NRXN3: variants seen among roughly 807,000 people sequenced by gnomAD.
NRXN3 encodes the protein neurexin 3, also known as neurexin III.
NRXN3 carries 32 observed loss-of-function variants against 137.6 expected under a neutral mutation model. The observed-to-expected ratio is 0.23, with a 90% confidence interval of 0.18 to 0.31. The LOEUF (loss-of-function observed/expected upper bound fraction) is 0.31, where lower values mean the gene tolerates loss of function less well. Ranked by LOEUF, NRXN3 falls within the 10% of genes least tolerant of loss-of-function variation. NRXN3 has a pLI of 1.00. For missense variants in NRXN3, 1,574 were observed against 2,062.5 expected (o/e 0.76, Z 4.59); for synonymous variants, 798 against 784.5 (o/e 1.02, Z -0.29).
intron 4 of NRXN3, among the ~76,000 whole-genome samples, chr14:78,629,758 T>G (rs2097502696): frequency 6.6e-6 from 1 of 152,230 alleles, no homozygotes; most frequent in Non-Finnish European, 1.5e-5. Flanking sequence ...CTATGGAATC[T>G]CAAAGACTCT....
intron 4 of NRXN3, among the ~76,000 whole-genome samples, chr14:78,471,565 G>T (rs796662877): frequency 7.9e-5 from 12 of 152,266 alleles, no homozygotes; most frequent in African/African-American, 2.9e-4. Context: ...TTTAGGGCAT[G>T]GTTGGTACTG....
At chr14:79,740,611 C>G (rs1192900200) in intron 19 of NRXN3, among the ~76,000 whole-genome samples, 1 of 149,430 alleles carries the variant, frequency 6.7e-6, no homozygotes, top group Non-Finnish European at 1.5e-5. Flanking sequence ...ATCTATTGTC[C>G]ATCAGCCCAA....
rs549638926 is a variant in NRXN3 at position 79,549,493 on chromosome 14, C to T, written c.3444+82091C>T. Among the ~76,000 whole-genome samples the T allele has an allele frequency of 3.3e-5, 5 of 152,234 alleles. No homozygotes were observed. In the South Asian group the frequency reaches 1.0e-3, roughly 32 times the overall value. On this transcript the variant is annotated intron_variant, in intron 16 of 20. Transcript: ENST00000335750. ...ACTCCTTCCCTGAGCTTGTTCCTTC[C>T]TTTCACCAAAACACACATATTCCAT...
intron 15 of NRXN3, among the ~76,000 whole-genome samples, chr14:79,291,986 G>A (rs1033440787): frequency 6.6e-6 from 1 of 152,050 alleles, no homozygotes; most frequent in African/African-American, 2.4e-5. Context: ...CATCCTTCAA[G>A]GTAGGCACTA....
chr14:79,571,234 C>T (rs140552999), intron 16 of NRXN3, among the ~76,000 whole-genome samples: 1 of 152,258 alleles, frequency 6.6e-6, no homozygotes, highest in Non-Finnish European at 1.5e-5. Context: ...GACATATTAG[C>T]TTGGACTAGC....
intron 4 of NRXN3, among the ~76,000 whole-genome samples, chr14:78,548,119 A>G (rs986371865): frequency 6.6e-6 from 1 of 152,238 alleles, no homozygotes; most frequent in Non-Finnish European, 1.5e-5. Context: ...GCCATAAAAC[A>G]GAAAAGTAAA....
chr14:78,876,653 C>T (rs562059016), intron 10 of NRXN3, among the ~76,000 whole-genome samples: 3 of 152,260 alleles, frequency 2.0e-5, no homozygotes, highest in African/African-American at 7.2e-5. Context: ...GGTTTGGTTA[C>T]ATGACCAAAG....
chr14:78,239,821 C>CTGGAGG (rs1191340701), intron 1 of NRXN3, among the ~76,000 whole-genome samples: 1 of 152,130 alleles, frequency 6.6e-6, no homozygotes, highest in African/African-American at 2.4e-5. Flanking sequence ...ATTCTCCCTG[C>CTGGAGG]CTCAGCCTCT....
intron 15 of NRXN3, among the ~76,000 whole-genome samples, chr14:79,176,509 CTTA>C (rs906144671): frequency 1.3e-5 from 2 of 152,140 alleles, no homozygotes; most frequent in African/African-American, 4.8e-5. Context: ...TTATCCCTTG[CTTA>C]TTATTTCAGT....
chr14:79,817,329 AG>A (rs2099254822), intron 20 of NRXN3, among the ~76,000 whole-genome samples: 2 of 152,168 alleles, frequency 1.3e-5, no homozygotes, highest in African/African-American at 4.8e-5. Context: ...CTGGGATTAC[AG>A]GTATGAGCCA....
chr14:79,472,058 A>G (rs1382242561), intron 16 of NRXN3, among the ~76,000 whole-genome samples: 1 of 151,968 alleles, frequency 6.6e-6, no homozygotes, highest in Non-Finnish European at 1.5e-5. Flanking sequence ...TGTTCTCATC[A>G]TTTAGCTTCC....
At chr14:78,559,774 G>C (rs559929438) in intron 4 of NRXN3, among the ~76,000 whole-genome samples, 17 of 152,330 alleles carry the variant, frequency 1.1e-4, no homozygotes, top group Non-Finnish European at 2.2e-4. Flanking sequence ...TGCCACTAAG[G>C]CTGCTTAAAA....
At chr14:78,512,124 G>T (rs2096120635) in intron 4 of NRXN3, among the ~76,000 whole-genome samples, 1 of 152,052 alleles carries the variant, frequency 6.6e-6, no homozygotes, top group South Asian at 2.1e-4. Flanking sequence ...TCGCTTGATG[G>T]ATGATGATGA....
intron 15 of NRXN3, among the ~76,000 whole-genome samples, chr14:79,209,591 G>T (rs933309175): frequency 2.0e-5 from 3 of 152,066 alleles, no homozygotes; most frequent in Non-Finnish European, 4.4e-5. Flanking sequence ...TCTTCCCAAG[G>T]TCTATTCCAT....
rs572861220 is a variant in NRXN3, at chr14:79,413,258, C to A, written c.3263-53963C>A. On this transcript the variant is annotated intron_variant, in intron 15 of 20. Transcript: ENST00000335750. ...ATCTGGAAGTCACCTCTCTGTAAAT[C>A]TGAGAAGTTATTTTCATTGTTGTTG... 5.9e-5 allele frequency among the ~76,000 whole-genome samples: 9 copies of A among 152,264 alleles called. 1 individual carries two copies. In the East Asian group the frequency reaches 1.7e-3, roughly 29 times the overall value.
Position 79,866,180 on chromosome 14 carries a change from A to T in NRXN3, c.*4216A>T, listed in dbSNP as rs373967671. 6.6e-6 allele frequency: 1 copy of T among 152,214 alleles called. No homozygotes were observed. The highest frequency in any genetic ancestry group is 1.5e-5 in the Non-Finnish European group (1 of 68,044). The allele number at this position is 152,214 out of a possible 1,614,324, so 9.4% of individuals were successfully genotyped here. A position where few individuals can be genotyped will look rare whatever the true frequency, so the allele number is the denominator to read the frequency against. On this transcript the variant is annotated 3_prime_UTR_variant, in exon 21 of 21. Coordinates refer to ENST00000335750, the MANE Select transcript of NRXN3 (RefSeq NM_001330195.2). ...CAAATTGAAGTTTGATCTTTCTCCA[A>T]AAAATATCCAAGCCCTGTGTTTGTC...
chr14:79,217,183 C>T (rs1057120095), intron 15 of NRXN3, among the ~76,000 whole-genome samples: 8 of 145,168 alleles, frequency 5.5e-5, no homozygotes, highest in African/African-American at 1.3e-4. Context: ...GTTTAATAGC[C>T]AAAGTTCTAT....
chr14:78,433,034 G>A (rs1428662747), intron 4 of NRXN3, among the ~76,000 whole-genome samples: 1 of 152,234 alleles, frequency 6.6e-6, no homozygotes, highest in East Asian at 1.9e-4. Context: ...AGCAGGCTTT[G>A]ATGAGTCCCC....
intron 4 of NRXN3, among the ~76,000 whole-genome samples, chr14:78,524,456 G>A (rs1327641157): frequency 1.3e-5 from 2 of 152,190 alleles, no homozygotes; most frequent in Non-Finnish European, 2.9e-5. Context: ...AGTGATTCTC[G>A]AGCTCAGGTG....
Sources: allele counts gnomAD v4.1 joint callset (sites outside exome capture counted in the v4.1 genomes callset), GRCh38; gene constraint gnomAD v4.1.1; transcripts MANE v1.5; gene names NCBI Gene and HGNC (gene_info 2026-07-23, HGNC 2026-07-21).